Variants in FGF10 observed in about 807,000 individuals in gnomAD.
The protein encoded by FGF10 is fibroblast growth factor 10, also known as FGF-10.
In FGF10, 2 loss-of-function variants were observed where a neutral mutation model predicts 19.8. The observed-to-expected ratio is 0.10, with a 90% CI of 0.04 to 0.32. FGF10 has a LOEUF of 0.32. FGF10 is among the 10% of genes least tolerant of loss of function. The pLI is 1.00. For synonymous variants in FGF10, 112 were observed against 94.0 expected, an observed-to-expected ratio of 1.19 and a Z score of -1.10; for missense variants, 191 against 246.3, an observed-to-expected ratio of 0.78 and a Z score of 1.50.
intron 1 of FGF10, among the ~76,000 whole-genome samples, chr5:44,340,005 T>C (rs1404177139): frequency 6.6e-6 from 1 of 152,144 alleles, no homozygotes; most frequent in Admixed American, 6.6e-5. Context: ...TATGAGAGGC[T>C]GGGAGTGAAG....
At chr5:44,325,837 G>A (rs561914770) in intron 1 of FGF10, among the ~76,000 whole-genome samples, 391 of 151,922 alleles carry the variant, frequency 2.6e-3, no homozygotes, top group Middle Eastern at 0.01. Context: ...AAACCTGCAC[G>A]TTGTGCACAT....
rs1202921258 is a variant in FGF10 at position 44,300,619 on chromosome 5, G to C, written c.*4376C>G. ...AAACAGGTGAAGAATAATTGGAATT[G>C]GTGGGAAATATAGGAATAGAAAATG... On this transcript the variant is annotated 3_prime_UTR_variant, in exon 3 of 3. Transcript: ENST00000264664. Among the ~76,000 whole-genome samples, 1 of 152,132 alleles carries C rather than the reference G, an allele frequency of 6.6e-6. No individual in the cohort carries two copies. The highest frequency in any genetic ancestry group is 1.5e-5 in the Non-Finnish European group (1 of 68,006).
At chr5:44,347,588 C>T (rs1249237278) in intron 1 of FGF10, among the ~76,000 whole-genome samples, 1 of 151,748 alleles carries the variant, frequency 6.6e-6, no homozygotes, top group Non-Finnish European at 1.5e-5. Context: ...TCTTCTCTTG[C>T]TAAGAATCAC....
chr5:44,362,614 GA>G (rs1372397789), intron 1 of FGF10, among the ~76,000 whole-genome samples: 1 of 151,516 alleles, frequency 6.6e-6, no homozygotes, highest in Non-Finnish European at 1.5e-5. Context: ...AGTATCAATG[GA>G]TACTATATGT....
chr5:44,306,802 G>A (rs1488632648), intron 2 of FGF10, among the ~76,000 whole-genome samples: 1 of 152,090 alleles, frequency 6.6e-6, no homozygotes, highest in Non-Finnish European at 1.5e-5. Context: ...ACATTCAAAT[G>A]ATGATTTAAC....
At chr5:44,313,047 T>C (rs1047412118) in intron 1 of FGF10, among the ~76,000 whole-genome samples, 6 of 152,224 alleles carry the variant, frequency 3.9e-5, no homozygotes, top group African/African-American at 1.4e-4. Context: ...CCATTTTTTT[T>C]CCACTTTGCA....
At chr5:44,357,653 T>A (rs1741379121) in intron 1 of FGF10, among the ~76,000 whole-genome samples, 1 of 151,438 alleles carries the variant, frequency 6.6e-6, no homozygotes, top group South Asian at 2.1e-4. Context: ...CAGCATCTGA[T>A]CCAGTGTCCT....
chr5:44,320,434 TGGAGTGCTTCTTTGAAGGAG>T (rs1478975025), intron 1 of FGF10, among the ~76,000 whole-genome samples: 1 of 152,168 alleles, frequency 6.6e-6, no homozygotes, highest in Non-Finnish European at 1.5e-5. Context: ...CAAACATCAC[TGGAGTGCTTCTTTGAAGGAG>T]GGAAAGACCC....
At chr5:44,349,507 T>C (rs1246728234) in intron 1 of FGF10, among the ~76,000 whole-genome samples, 1 of 114,506 alleles carries the variant, frequency 8.7e-6, no homozygotes, top group Non-Finnish European at 1.9e-5. Context: ...TATATATGTG[T>C]GTGTGTATAT....
chr5:44,344,429 A>G (rs1051475210), intron 1 of FGF10, among the ~76,000 whole-genome samples: 2 of 151,956 alleles, frequency 1.3e-5, no homozygotes, highest in Non-Finnish European at 1.5e-5. Flanking sequence ...AAGTTGTTAA[A>G]AAGATTAAAT....
chr5:44,341,292 T>TAAA (rs895133478), intron 1 of FGF10, among the ~76,000 whole-genome samples: 2 of 151,928 alleles, frequency 1.3e-5, no homozygotes, highest in African/African-American at 4.8e-5. Flanking sequence ...CTGCATTGGA[T>TAAA]AAAAATTGGT....
intron 1 of FGF10, among the ~76,000 whole-genome samples, chr5:44,332,693 A>C (rs1740763148): frequency 1.3e-5 from 2 of 152,160 alleles, no homozygotes. Flanking sequence ...AGGTGATTTC[A>C]GTGCTGCTGG....
intron 1 of FGF10, among the ~76,000 whole-genome samples, chr5:44,335,431 A>G (rs1216104028): frequency 6.6e-6 from 1 of 152,102 alleles, no homozygotes; most frequent in East Asian, 1.9e-4. Context: ...CAAAAAACAT[A>G]CTTTCATATT....
intron 1 of FGF10, among the ~76,000 whole-genome samples, chr5:44,355,359 C>A (rs1741322494): frequency 6.6e-6 from 1 of 151,094 alleles, no homozygotes; most frequent in South Asian, 2.1e-4. Flanking sequence ...TTGTTGTAGA[C>A]ATGATAAAAG....
intron 1 of FGF10, among the ~76,000 whole-genome samples, chr5:44,325,979 T>C (rs1740606137): frequency 6.6e-6 from 1 of 152,174 alleles, no homozygotes; most frequent in African/African-American, 2.4e-5. Context: ...GTCACTATTA[T>C]TCAATAGGTA....
In FGF10 at chr5:44,302,992, G is replaced by A. The variant is rs763999205; in HGVS notation, c.*2003C>T. Among the ~76,000 whole-genome samples, 15 of 151,966 alleles carry A rather than the reference G, an allele frequency of 9.9e-5. No homozygotes were observed. The highest frequency in any genetic ancestry group is 1.6e-4 in the Non-Finnish European group (11 of 68,006). On this transcript the variant is annotated 3_prime_UTR_variant, in exon 3 of 3. Transcript: ENST00000264664. ...GAAAAAAAGATACCTAGTTTTGATAGGAATGCATTACATTATAGCTCACAG... is the reference window on the plus strand; with the variant it reads ...GAAAAAAAGATACCTAGTTTTGATAAGAATGCATTACATTATAGCTCACAG...
intron 1 of FGF10, among the ~76,000 whole-genome samples, chr5:44,311,212 G>A (rs954389879): frequency 6.6e-5 from 10 of 151,830 alleles, no homozygotes; most frequent in Admixed American, 6.6e-4. Flanking sequence ...AAAATCGAGG[G>A]AAGTAGTAAG....
intron 1 of FGF10, among the ~76,000 whole-genome samples, chr5:44,343,116 A>G (rs955422358): frequency 6.6e-6 from 1 of 152,042 alleles, no homozygotes; most frequent in Non-Finnish European, 1.5e-5. Context: ...CATTTTGTTT[A>G]CAAAAATAAT....
chr5:44,305,748 TA>T (rs1740062654), intron 2 of FGF10, among the ~76,000 whole-genome samples: 1 of 152,014 alleles, frequency 6.6e-6, no homozygotes, highest in Non-Finnish European at 1.5e-5. Context: ...TTCTTCCAAA[TA>T]TCAAATTTCT....
Sources: allele counts gnomAD v4.1 joint callset (sites outside exome capture counted in the v4.1 genomes callset), GRCh38; gene constraint gnomAD v4.1.1; transcripts MANE v1.5; gene names NCBI Gene and HGNC (gene_info 2026-07-23, HGNC 2026-07-21).